PROCR: variants seen among roughly 807,000 people sequenced by gnomAD.
The protein encoded by PROCR is endothelial protein C receptor.
Under a neutral mutation model 24.2 loss-of-function variants are expected in PROCR, and 22 were observed. That is an observed-to-expected ratio of 0.91 (90% CI 0.65 to 1.30). The LOEUF (loss-of-function observed/expected upper bound fraction) is 1.30. Among genes scored for constraint, PROCR ranks in the 50% most tolerant of loss-of-function variants. The probability of loss-of-function intolerance (pLI) is 0.00; values close to 1 mark genes in which losing one functional copy is unlikely to be tolerated. For missense variants in PROCR, 288 were observed against 307.7 expected (o/e 0.94, Z 0.48); for synonymous variants, 137 against 139.2 (o/e 0.98, Z 0.11).
intron 1 of PROCR, among the ~76,000 whole-genome samples, chr20:35,206,492 A>AC (rs1204870313): frequency 6.6e-6 from 1 of 151,428 alleles, no homozygotes; most frequent in Non-Finnish European, 1.5e-5. Flanking sequence ...AAAAAAAAAA[A>AC]AAAAACTCTC....
At chr20:35,205,986 A>G (rs1029302249) in intron 1 of PROCR, among the ~76,000 whole-genome samples, 1 of 149,910 alleles carries the variant, frequency 6.7e-6, no homozygotes, top group Non-Finnish European at 1.5e-5. Flanking sequence ...TCACATTTCT[A>G]ACAAAGGACT....
chr20:35,175,612 T>C (rs1311168225), intron 2 of PROCR, among the ~76,000 whole-genome samples: 1 of 105,052 alleles, frequency 9.5e-6, no homozygotes, highest in East Asian at 3.2e-4. Flanking sequence ...TGAGACGGAG[T>C]CTTGCTCTGT....
intron 1 of PROCR, among the ~76,000 whole-genome samples, chr20:35,206,874 C>A (rs1203153578): frequency 1.3e-5 from 2 of 152,100 alleles, no homozygotes; most frequent in African/African-American, 4.8e-5. Flanking sequence ...ATGTTCATAC[C>A]AAAACCTGTA....
intron 1 of PROCR, among the ~76,000 whole-genome samples, chr20:35,188,273 A>G (rs1487337446): frequency 1.3e-5 from 2 of 152,230 alleles, no homozygotes; most frequent in Non-Finnish European, 2.9e-5. Flanking sequence ...AGGAACTGAT[A>G]GTCTAGAAGG....
At chr20:35,174,997 G>T in intron 2 of PROCR, 44 bp downstream of exon 2, 1 of 1,351,044 alleles carries the variant, frequency 7.4e-7, no homozygotes, top group Non-Finnish European at 9.8e-7. Context: ...CGGGGCTAGT[G>T]GGGGCGGGGC....
downstream of PROCR, among the ~76,000 whole-genome samples, chr20:35,181,807 A>G (rs757344595): frequency 1.3e-5 from 2 of 152,190 alleles, no homozygotes; most frequent in African/African-American, 2.4e-5. Flanking sequence ...AATTCTGCCA[A>G]CTTAAGGGGA....
intron 1 of PROCR, 47 bp downstream of exon 1, chr20:35,172,271 TCA>T: frequency 1.3e-6 from 2 of 1,595,888 alleles, no homozygotes; most frequent in Non-Finnish European, 1.7e-6. Flanking sequence ...CTGGAGAATC[TCA>T]GTCTATCTGG....
chr20:35,186,945 T>C (rs552483749), intron 1 of PROCR, among the ~76,000 whole-genome samples: 1 of 150,496 alleles, frequency 6.6e-6, no homozygotes, highest in African/African-American at 2.4e-5. Context: ...AAAGCAAGAC[T>C]CTGTCTCAAA....
chr20:35,186,617 C>A (rs546057768), intron 1 of PROCR, among the ~76,000 whole-genome samples: 1 of 148,076 alleles, frequency 6.8e-6, no homozygotes, highest in South Asian at 2.2e-4. Flanking sequence ...TCACAAAGAA[C>A]CAGGTATTAT....
intron 1 of PROCR, among the ~76,000 whole-genome samples, chr20:35,200,030 G>A (rs966001191): frequency 2.0e-5 from 3 of 152,218 alleles, no homozygotes; most frequent in Non-Finnish European, 4.4e-5. Context: ...AGAATTAAAA[G>A]TGAAGCCTGC....
chr20:35,183,189 A>C (rs1447394089), intron 1 of PROCR, among the ~76,000 whole-genome samples: 1 of 152,190 alleles, frequency 6.6e-6, no homozygotes, highest in Admixed American at 6.5e-5. Context: ...AATAACTGAT[A>C]TGGTTTGGAT....
At chr20:35,186,814 A>G (rs371213589) in intron 1 of PROCR, among the ~76,000 whole-genome samples, 2 of 151,732 alleles carry the variant, frequency 1.3e-5, no homozygotes, top group African/African-American at 2.4e-5. Context: ...AGAGCTGGGC[A>G]TGGTGGCACG....
At position 35,176,843 on chromosome 20, in the gene PROCR, G is replaced by C. The variant is rs757532803; in HGVS notation, c.*30G>C. ...TCTCCAGCCCCCTCAGAAGGGGCTGGATTGATGGAGGCTGGCAAGGGAAAG... is the reference window on the plus strand; with the variant it reads ...TCTCCAGCCCCCTCAGAAGGGGCTGCATTGATGGAGGCTGGCAAGGGAAAG... On this transcript the variant is annotated 3_prime_UTR_variant, in exon 4 of 4. Coordinates refer to ENST00000216968, the MANE Select transcript of PROCR (RefSeq NM_006404.5). 1 of 1,608,884 alleles carries C rather than the reference G, an allele frequency of 6.2e-7. No individual in the cohort carries two copies. The highest frequency in any genetic ancestry group is 8.5e-7 in the Non-Finnish European group (1 of 1,177,568).
chr20:35,201,552 G>T (rs1600751030), intron 1 of PROCR, among the ~76,000 whole-genome samples: 2 of 152,122 alleles, frequency 1.3e-5, no homozygotes, highest in Non-Finnish European at 2.9e-5. Flanking sequence ...GCCGGGCAAG[G>T]TGGTGCATGC....
In PROCR at chr20:35,189,014, G is replaced by A. The variant is rs1016630795; in HGVS notation, c.94+12568G>A. On this transcript the variant is annotated intron_variant, in intron 1 of 1. Coordinates refer to the PROCR transcript ENST00000634509. The stretch of plus-strand genomic sequence containing the variant: ...CACCTCAGGACCCTGTGATGATTGC[G>A]TTAACTGCACAAGTTGTTCATAAAG... Among the ~76,000 whole-genome samples, 6 of 152,176 alleles carry A rather than the reference G, an allele frequency of 3.9e-5. No individual in the cohort carries two copies. In the East Asian group the frequency reaches 7.7e-4, roughly 20 times the overall value.
At chr20:35,186,708 G>A (rs562217103) in intron 1 of PROCR, among the ~76,000 whole-genome samples, 2 of 144,346 alleles carry the variant, frequency 1.4e-5, no homozygotes, top group Non-Finnish European at 3.0e-5. Context: ...CAGCAATTTG[G>A]GAGGCCAAGG....
At chr20:35,174,553 G>A (rs2085986101) in intron 1 of PROCR, 149 bp from the exon 2 acceptor site, 2 of 963,424 alleles carry the variant, frequency 2.1e-6, no homozygotes, top group Admixed American at 1.7e-5. Flanking sequence ...TACTGTCAGC[G>A]TCAAACGGGA....
intron 1 of PROCR, among the ~76,000 whole-genome samples, chr20:35,183,111 C>T (rs2086093537): frequency 6.6e-6 from 1 of 151,982 alleles, no homozygotes; most frequent in South Asian, 2.1e-4. Flanking sequence ...TTAATACTCT[C>T]TTTGGTCTTG....
intron 1 of PROCR, among the ~76,000 whole-genome samples, chr20:35,173,447 TG>T (rs1331623565): frequency 1.5e-3 from 210 of 139,992 alleles, no homozygotes; most frequent in African/African-American, 6.0e-3. Context: ...TTTTTTTTTT[TG>T]AGATGGAGTC....
Sources: allele counts gnomAD v4.1 joint callset (sites outside exome capture counted in the v4.1 genomes callset), GRCh38; gene constraint gnomAD v4.1.1; transcripts MANE v1.5; gene names NCBI Gene and HGNC (gene_info 2026-07-23, HGNC 2026-07-21).